ESRRG: variants seen among roughly 807,000 people sequenced by gnomAD.
The protein encoded by ESRRG is estrogen-related receptor gamma.
In ESRRG, 13 loss-of-function variants were observed where a neutral mutation model predicts 44.0. The observed-to-expected ratio is 0.30, with a 90% confidence interval of 0.19 to 0.47. The LOEUF (loss-of-function observed/expected upper bound fraction) is 0.47, where lower values mean the gene tolerates loss of function less well. Among genes scored for constraint, ESRRG ranks in the 20% least tolerant of loss-of-function variants. The pLI, the probability that ESRRG is intolerant of heterozygous loss-of-function variation, is 1.00. For missense variants in ESRRG, 395 were observed against 580.6 expected, an observed-to-expected ratio of 0.68 and a Z score of 3.29; for synonymous variants, 215 against 214.6, an observed-to-expected ratio of 1.00 and a Z score of -0.02.
chr1:216,696,862 G>A (rs1034407689), intron 1 of ESRRG, among the ~76,000 whole-genome samples: 1 of 152,006 alleles, frequency 6.6e-6, no homozygotes, highest in African/African-American at 2.4e-5. Flanking sequence ...CCTATCTAAT[G>A]TACAGAAATG....
chr1:216,596,180 C>A (rs1475605039), intron 3 of ESRRG, among the ~76,000 whole-genome samples: 1 of 152,132 alleles, frequency 6.6e-6, no homozygotes, highest in African/African-American at 2.4e-5. Flanking sequence ...GTCACTTTAC[C>A]CTGTGTACAC....
chr1:216,541,535 C>G (rs529762875), intron 5 of ESRRG, among the ~76,000 whole-genome samples: 1 of 149,686 alleles, frequency 6.7e-6, no homozygotes, highest in East Asian at 2.0e-4. Context: ...AAGGGAAGCT[C>G]GCTCAGCTAT....
At chr1:216,908,850 A>C (rs868515562) in intron 2 of ESRRG, among the ~76,000 whole-genome samples, 6 of 151,404 alleles carry the variant, frequency 4.0e-5, no homozygotes, top group Middle Eastern at 3.4e-3. Context: ...AAAAACATAG[A>C]GCATCCTCTA....
At chr1:216,946,282 G>A (rs1181426381) in intron 1 of ESRRG, among the ~76,000 whole-genome samples, 1 of 152,090 alleles carries the variant, frequency 6.6e-6, no homozygotes, top group Admixed American at 6.5e-5. Flanking sequence ...CAAGCAACAG[G>A]CACCTCATAG....
At chr1:217,022,048 T>G (rs2080406041) in intron 1 of ESRRG, among the ~76,000 whole-genome samples, 1 of 152,224 alleles carries the variant, frequency 6.6e-6, no homozygotes, top group African/African-American at 2.4e-5. Context: ...AGGGATATTA[T>G]GGTGTGCTCG....
intron 1 of ESRRG, among the ~76,000 whole-genome samples, chr1:216,992,792 A>T (rs917547387): frequency 5.9e-5 from 9 of 152,206 alleles, no homozygotes; most frequent in African/African-American, 1.7e-4. Context: ...ATTATCAAAG[A>T]ATATGATGAC....
intron 2 of ESRRG, among the ~76,000 whole-genome samples, chr1:216,812,033 G>A (rs2094986971): frequency 6.6e-6 from 1 of 152,100 alleles, no homozygotes; most frequent in Admixed American, 6.6e-5. Flanking sequence ...TAAAACAGAG[G>A]TAATACTGTT....
chr1:216,580,489 A>C (rs1202580574), intron 3 of ESRRG, among the ~76,000 whole-genome samples: 1 of 152,208 alleles, frequency 6.6e-6, no homozygotes, highest in African/African-American at 2.4e-5. Context: ...ATGCTGTGAA[A>C]ACCTCAGTTA....
chr1:216,555,809 G>T (rs1055357813), intron 5 of ESRRG, among the ~76,000 whole-genome samples: 1 of 152,114 alleles, frequency 6.6e-6, no homozygotes, highest in African/African-American at 2.4e-5. Flanking sequence ...GCTAAAAGGA[G>T]CTTAGGGCAA....
At chr1:217,015,429 C>T (rs1228343151) in intron 1 of ESRRG, among the ~76,000 whole-genome samples, 1 of 152,102 alleles carries the variant, frequency 6.6e-6, no homozygotes, top group African/African-American at 2.4e-5. Context: ...ATATATAAAA[C>T]ATAAATTTAT....
At chr1:216,757,657 A>T (rs2092533227) in intron 2 of ESRRG, among the ~76,000 whole-genome samples, 1 of 152,052 alleles carries the variant, frequency 6.6e-6, no homozygotes, top group African/African-American at 2.4e-5. Context: ...AAAAAGCTTG[A>T]AGTAGTAAAT....
chr1:217,064,318 T>A (rs2089239121), intron 1 of ESRRG, among the ~76,000 whole-genome samples: 1 of 152,174 alleles, frequency 6.6e-6, no homozygotes, highest in Admixed American at 6.5e-5. Flanking sequence ...TGCGTATATA[T>A]AAGTACATAT....
chr1:216,934,627 A>T (rs2063844219), intron 2 of ESRRG, among the ~76,000 whole-genome samples: 1 of 151,162 alleles, frequency 6.6e-6, no homozygotes, highest in Non-Finnish European at 1.5e-5. Context: ...AAGCCACAAG[A>T]TCTCATGAGA....
At chr1:216,770,239 G>A (rs1187366632) in intron 2 of ESRRG, among the ~76,000 whole-genome samples, 1 of 151,876 alleles carries the variant, frequency 6.6e-6, no homozygotes, top group African/African-American at 2.4e-5. Flanking sequence ...GTCTATAGAG[G>A]GGAAAAAAAT....
intron 3 of ESRRG, among the ~76,000 whole-genome samples, chr1:216,635,029 C>G (rs1293132709): frequency 6.6e-6 from 1 of 151,948 alleles, no homozygotes; most frequent in Non-Finnish European, 1.5e-5. Context: ...CTCTCTCCAC[C>G]AAGCCTCCTT....
intron 1 of ESRRG, among the ~76,000 whole-genome samples, chr1:216,998,059 T>C (rs1309619743): frequency 6.6e-6 from 1 of 152,218 alleles, no homozygotes; most frequent in African/African-American, 2.4e-5. Flanking sequence ...ACTTGCTACT[T>C]ACTACTGCTT....
At chr1:216,592,105 C>A (rs2057762937) in intron 3 of ESRRG, among the ~76,000 whole-genome samples, 1 of 152,184 alleles carries the variant, frequency 6.6e-6, no homozygotes. Flanking sequence ...TGAATCTAAT[C>A]ACGAAGAAAC....
chr1:216,875,722 T>G (rs142925559), intron 2 of ESRRG, among the ~76,000 whole-genome samples: 51 of 152,264 alleles, frequency 3.3e-4, no homozygotes, highest in African/African-American at 1.2e-3. Context: ...TAAATAATAT[T>G]ATGAAGATAT....
At position 216,601,776 on chromosome 1, in the gene ESRRG, C is replaced by A. The variant is rs374896195; in HGVS notation, c.590-33678G>T. 3.3e-5 allele frequency among the ~76,000 whole-genome samples: 5 copies of A among 152,214 alleles called. No individual in the cohort carries two copies. The East Asian group carries it at 9.7e-4, about 29-fold the overall frequency. On this transcript the variant is annotated intron_variant, in intron 3 of 6. Coordinates refer to ENST00000408911, the MANE Select transcript of ESRRG (RefSeq NM_001438.4). ...AAGGCATAGATGAAGGGGCTTGCAT[C>A]AAGTTCAAAAAAGAGTATTATGTTT... is the stretch of plus-strand genomic sequence containing the variant.
Sources: allele counts gnomAD v4.1 joint callset (sites outside exome capture counted in the v4.1 genomes callset), GRCh38; gene constraint gnomAD v4.1.1; transcripts MANE v1.5; gene names NCBI Gene and HGNC (gene_info 2026-07-23, HGNC 2026-07-21).